Variants in SLCO3A1 observed in about 807,000 individuals in gnomAD.
SLCO3A1 encodes the protein solute carrier organic anion transporter family member 3A1, also known as PGE1 transporter.
SLCO3A1 carries 27 observed loss-of-function variants against 63.1 expected under a neutral mutation model. That is an observed-to-expected ratio of 0.43 (90% CI 0.32 to 0.59). The LOEUF is 0.59. Ranked by LOEUF, SLCO3A1 falls within the 20% of genes least tolerant of loss-of-function variation. SLCO3A1 has a pLI of 0.09. For missense variants in SLCO3A1, 773 were observed against 945.8 expected, an observed-to-expected ratio of 0.82 and a Z score of 2.40; for synonymous variants, 473 against 409.9, an observed-to-expected ratio of 1.15 and a Z score of -1.86.
chr15:91,881,810 T>C (rs1267267095), intron 1 of SLCO3A1, among the ~76,000 whole-genome samples: 1 of 152,184 alleles, frequency 6.6e-6, no homozygotes, highest in African/African-American at 2.4e-5. Flanking sequence ...CTTTAGGAGA[T>C]GGTTTTCTTA....
At chr15:92,034,201 A>T (rs1485529099) in intron 2 of SLCO3A1, among the ~76,000 whole-genome samples, 2 of 151,488 alleles carry the variant, frequency 1.3e-5, no homozygotes, top group African/African-American at 4.8e-5. Context: ...GGGGCCGGGG[A>T]TAGCACAGAT....
At chr15:92,151,080 A>C in intron 9 of SLCO3A1, 66 bp downstream of exon 9, 1 of 1,075,420 alleles carries the variant, frequency 9.3e-7, no homozygotes. Flanking sequence ...AGTAACTGTC[A>C]GTCAAATTAT....
chr15:91,880,133 C>T (rs979728394), intron 1 of SLCO3A1, among the ~76,000 whole-genome samples: 13 of 98,492 alleles, frequency 1.3e-4, no homozygotes, highest in African/African-American at 2.0e-4. Context: ...GTCCGTCCGT[C>T]CATCCATCCA....
At chr15:91,971,667 A>G (rs1365461459) in intron 2 of SLCO3A1, among the ~76,000 whole-genome samples, 4 of 152,126 alleles carry the variant, frequency 2.6e-5, no homozygotes. Flanking sequence ...CATGAGCTCC[A>G]TGTTAATGAA....
chr15:92,113,089 T>C (rs577289691), intron 4 of SLCO3A1, among the ~76,000 whole-genome samples: 19 of 152,324 alleles, frequency 1.2e-4, no homozygotes, highest in African/African-American at 3.8e-4. Flanking sequence ...CTCTGCTACC[T>C]CTGACCTGGA....
At chr15:92,085,351 C>T (rs1177860700) in intron 2 of SLCO3A1, among the ~76,000 whole-genome samples, 4 of 152,198 alleles carry the variant, frequency 2.6e-5, no homozygotes, top group Non-Finnish European at 5.9e-5. Flanking sequence ...GTTCTTCAAC[C>T]CTGTCTATTT....
chr15:91,977,712 G>A (rs1440752372), intron 2 of SLCO3A1, among the ~76,000 whole-genome samples: 3 of 152,088 alleles, frequency 2.0e-5, no homozygotes, highest in African/African-American at 7.2e-5. Flanking sequence ...CACCACTAAA[G>A]AGCTAATCCA....
chr15:92,163,848 C>G lies in SLCO3A1; in HGVS notation c.*713C>G. 1.0e-6 allele frequency: 1 copy of G among 985,532 alleles called. No homozygotes were observed. The highest frequency in any genetic ancestry group is 1.2e-6 in the Non-Finnish European group (1 of 830,106). 61.0% of individuals were successfully genotyped at this position (985,532 alleles called of 1,614,324 possible). A position where few individuals can be genotyped will look rare whatever the true frequency, so the allele number is the denominator to read the frequency against. ...CATTTCCATGTTCAAGACTGAGGGCCTGAGGGGGAGCCAGGTGGGGGGCCA... is the reference window on the plus strand; with the variant it reads ...CATTTCCATGTTCAAGACTGAGGGCGTGAGGGGGAGCCAGGTGGGGGGCCA... On this transcript the variant is annotated 3_prime_UTR_variant, in exon 10 of 10. Coordinates refer to ENST00000318445, the MANE Select transcript of SLCO3A1 (RefSeq NM_013272.4).
intron 4 of SLCO3A1, among the ~76,000 whole-genome samples, chr15:92,118,441 T>C (rs550141262): frequency 4.6e-5 from 7 of 151,294 alleles, no homozygotes; most frequent in Non-Finnish European, 1.0e-4. Flanking sequence ...AGATTTTCAT[T>C]CTTGAAACTT....
At chr15:91,947,229 C>T (rs548554648) in intron 2 of SLCO3A1, among the ~76,000 whole-genome samples, 36 of 152,330 alleles carry the variant, frequency 2.4e-4, no homozygotes, top group Admixed American at 5.2e-4. Flanking sequence ...ATCATACGAC[C>T]CCTCCTTGTC....
chr15:91,975,221 T>C (rs12905744), intron 2 of SLCO3A1, among the ~76,000 whole-genome samples: 62,907 of 151,986 alleles, frequency 0.41, 13,185 homozygotes, highest in African/African-American at 0.45. Context: ...TGTGAACTGG[T>C]ACCTAGGTGT....
At chr15:91,914,729 G>A (rs149877612) in intron 1 of SLCO3A1, among the ~76,000 whole-genome samples, 2,759 of 152,010 alleles carry the variant, frequency 0.018, 25 homozygotes, top group Non-Finnish European at 0.028. Flanking sequence ...GCACCACCAC[G>A]CCTCGCTAAA....
At chr15:91,892,021 T>G (rs1394109549) in intron 1 of SLCO3A1, among the ~76,000 whole-genome samples, 1 of 152,232 alleles carries the variant, frequency 6.6e-6, no homozygotes, top group African/African-American at 2.4e-5. Context: ...TAAGTAATCC[T>G]GGGTTGGTCT....
intron 2 of SLCO3A1, among the ~76,000 whole-genome samples, chr15:91,919,701 A>T (rs1898779620): frequency 6.6e-6 from 1 of 151,966 alleles, no homozygotes; most frequent in Admixed American, 6.6e-5. Flanking sequence ...GCTTTTTATG[A>T]AAGTGTAAGT....
At chr15:91,896,359 G>T (rs767242249) in intron 1 of SLCO3A1, among the ~76,000 whole-genome samples, 3 of 152,154 alleles carry the variant, frequency 2.0e-5, no homozygotes, top group Non-Finnish European at 4.4e-5. Flanking sequence ...CAGATCCATG[G>T]TGCAGTCACG....
chr15:92,120,417 A>G, intron 4 of SLCO3A1, 48 bp from the exon 5 acceptor site: 1 of 1,581,728 alleles, frequency 6.3e-7, no homozygotes. Context: ...AGATGGGAGC[A>G]CAGGGTGTGA....
At chr15:92,051,035 T>C (rs751052401) in intron 2 of SLCO3A1, among the ~76,000 whole-genome samples, 10 of 152,224 alleles carry the variant, frequency 6.6e-5, no homozygotes, top group Non-Finnish European at 1.2e-4. Flanking sequence ...AAAGTTGCCT[T>C]CTGCCCCACG....
At position 91,915,555 on chromosome 15, in the gene SLCO3A1, C is replaced by T. The variant is rs573054105; in HGVS notation, c.181-438C>T. On this transcript the variant is annotated intron_variant, in intron 1 of 9. Coordinates refer to ENST00000318445, the MANE Select transcript of SLCO3A1 (RefSeq NM_013272.4). ...GGGGATAGGCTTTGCTAACCTCCTG[C>T]GGAAAATCTCCTGGCTCCTCTGTCT... Among the ~76,000 whole-genome samples, 7 of 152,226 alleles carry T rather than the reference C, an allele frequency of 4.6e-5. No homozygotes were observed. In the East Asian group the frequency reaches 7.7e-4, roughly 17 times the overall value.
At chr15:92,013,921 G>A (rs1425541625) in intron 2 of SLCO3A1, among the ~76,000 whole-genome samples, 2 of 152,088 alleles carry the variant, frequency 1.3e-5, no homozygotes, top group Non-Finnish European at 2.9e-5. Flanking sequence ...GGTCAGGCAG[G>A]AATTAAGCAG....
Sources: allele counts gnomAD v4.1 joint callset (sites outside exome capture counted in the v4.1 genomes callset), GRCh38; gene constraint gnomAD v4.1.1; transcripts MANE v1.5; gene names NCBI Gene and HGNC (gene_info 2026-07-23, HGNC 2026-07-21).